Variants in EPB41L5 observed in about 807,000 individuals in gnomAD.
The protein encoded by EPB41L5 is erythrocyte membrane protein band 4.1 like 5, also known as band 4.1-like protein 5.
In EPB41L5, 55 loss-of-function variants were observed where a neutral mutation model predicts 106.6. The ratio of observed to expected loss-of-function variants is 0.52; its 90% confidence interval spans 0.42 to 0.65. The LOEUF (loss-of-function observed/expected upper bound fraction) is 0.65. Ranked by LOEUF, EPB41L5 falls within the 30% of genes least tolerant of loss-of-function variation. EPB41L5 has a pLI of 0.00. For missense variants in EPB41L5, 871 were observed against 882.1 expected (o/e 0.99, Z 0.16); for synonymous variants, 297 against 306.7 (o/e 0.97, Z 0.33).
chr2:120,133,176 T>G (rs907916058), intron 18 of EPB41L5, among the ~76,000 whole-genome samples: 1 of 151,990 alleles, frequency 6.6e-6, no homozygotes, highest in Non-Finnish European at 1.5e-5. Context: ...CAGACAAGAA[T>G]AGAAGGAAGG....
At chr2:120,044,435 T>C (rs1184920609) in intron 3 of EPB41L5, among the ~76,000 whole-genome samples, 1 of 152,220 alleles carries the variant, frequency 6.6e-6, no homozygotes, top group African/African-American at 2.4e-5. Context: ...AATTTTAATA[T>C]CATTCAGCTT....
At position 120,174,843 on chromosome 2, in the gene EPB41L5, C is replaced by T. The variant is rs759329364; in HGVS notation, c.2138C>T (p.Ser713Phe). 4.3e-6 allele frequency: 7 copies of T among 1,614,016 alleles called. 1 individual carries two copies. In the South Asian group the frequency reaches 6.6e-5, roughly 15 times the overall value. Residue 713 changes from serine (S) to phenylalanine (F), a missense_variant and splice_region_variant, in exon 25 of 25, where the codon TCT (serine) becomes TTT (phenylalanine). Ser to Phe is a radical substitution (Grantham distance 155). Coordinates refer to ENST00000263713, the MANE Select transcript of EPB41L5 (RefSeq NM_020909.4). ...APFLVDAVTS[S>F]GPILAEEAVL... ...AACCCATTCTCTCTTCCTTTCAGCT[C>T]TGGTCCCATTTTGGCAGAAGAAGCT...
intron 3 of EPB41L5, among the ~76,000 whole-genome samples, chr2:120,058,311 A>T (rs1177004610): frequency 6.6e-6 from 1 of 152,068 alleles, no homozygotes; most frequent in Non-Finnish European, 1.5e-5. Flanking sequence ...TCAGCCTCCC[A>T]AGTAGGTAGG....
At chr2:120,113,352 TTAC>T (rs1684806094) in intron 16 of EPB41L5, among the ~76,000 whole-genome samples, 1 of 152,184 alleles carries the variant, frequency 6.6e-6, no homozygotes, top group Non-Finnish European at 1.5e-5. Flanking sequence ...TAACAATAAA[TTAC>T]TCCAAATTAT....
intron 2 of EPB41L5, among the ~76,000 whole-genome samples, chr2:120,033,562 C>T (rs1259185953): frequency 6.6e-6 from 1 of 151,760 alleles, no homozygotes; most frequent in Non-Finnish European, 1.5e-5. Flanking sequence ...ACAAAATTAG[C>T]CGGGCGTAGT....
intron 14 of EPB41L5, among the ~76,000 whole-genome samples, chr2:120,099,008 A>T (rs1415508941): frequency 1.3e-5 from 2 of 152,238 alleles, no homozygotes; most frequent in Non-Finnish European, 2.9e-5. Flanking sequence ...ATTTACTTTT[A>T]AATCTGCTCG....
At chr2:120,123,270 C>T (rs753967341) in intron 16 of EPB41L5, among the ~76,000 whole-genome samples, 5 of 152,230 alleles carry the variant, frequency 3.3e-5, no homozygotes, top group South Asian at 4.1e-4. Context: ...TGTTGTTCAC[C>T]GCCTCCTCAC....
intron 16 of EPB41L5, among the ~76,000 whole-genome samples, chr2:120,124,718 G>A (rs1342718985): frequency 6.6e-6 from 1 of 152,022 alleles, no homozygotes; most frequent in East Asian, 1.9e-4. Flanking sequence ...GTATAATAAA[G>A]ATTTCAGTTC....
intron 3 of EPB41L5, among the ~76,000 whole-genome samples, chr2:120,071,104 A>C (rs1681833231): frequency 6.6e-6 from 1 of 152,238 alleles, no homozygotes; most frequent in African/African-American, 2.4e-5. Context: ...ATCTCAGCCC[A>C]AAATCTCCTT....
chr2:120,086,408 G>A (rs902165700), intron 10 of EPB41L5, among the ~76,000 whole-genome samples: 20 of 152,202 alleles, frequency 1.3e-4, no homozygotes, highest in African/African-American at 4.6e-4. Context: ...GTTGGAAAGC[G>A]GGCCATAAAG....
chr2:120,119,013 TTAA>T (rs1156533769), intron 16 of EPB41L5, among the ~76,000 whole-genome samples: 3 of 152,218 alleles, frequency 2.0e-5, no homozygotes, highest in Non-Finnish European at 4.4e-5. Context: ...TTTTGACTTT[TTAA>T]TAATAGCCTT....
At chr2:120,142,451 C>G (rs1453009415) in intron 18 of EPB41L5, among the ~76,000 whole-genome samples, 3 of 152,134 alleles carry the variant, frequency 2.0e-5, no homozygotes, top group African/African-American at 7.2e-5. Context: ...GGAACAGAAT[C>G]TCAACTGCAT....
At chr2:120,152,322 G>C (rs1034082116) in intron 20 of EPB41L5, among the ~76,000 whole-genome samples, 1 of 152,142 alleles carries the variant, frequency 6.6e-6, no homozygotes, top group Non-Finnish European at 1.5e-5. Context: ...GTGGTTTTCT[G>C]ATGTTGAACC....
chr2:120,047,990 C>G (rs1252039553), intron 3 of EPB41L5, among the ~76,000 whole-genome samples: 1 of 152,190 alleles, frequency 6.6e-6, no homozygotes, highest in Non-Finnish European at 1.5e-5. Context: ...TTGAACCAGC[C>G]TTGCGATCCA....
chr2:120,104,701 C>A (rs1474199591), intron 16 of EPB41L5: 33 of 971,380 alleles, frequency 3.4e-5, no homozygotes, highest in Non-Finnish European at 4.0e-5. Flanking sequence ...TGTTCTTATA[C>A]ACTATTTTAA....
chr2:120,164,297 C>T (rs188670772), intron 21 of EPB41L5, among the ~76,000 whole-genome samples: 5 of 152,216 alleles, frequency 3.3e-5, no homozygotes, highest in Admixed American at 6.5e-5. Flanking sequence ...TCACTGCAGC[C>T]TCTGTCTCCT....
At chr2:120,073,022 C>T (rs1177381177) in intron 3 of EPB41L5, among the ~76,000 whole-genome samples, 156 bp from the exon 4 acceptor site, 1 of 151,650 alleles carries the variant, frequency 6.6e-6, no homozygotes, top group East Asian at 1.9e-4. Context: ...GATACTCTTC[C>T]TTCTCACCTC....
chr2:120,154,875 G>A (rs1264959707), intron 20 of EPB41L5, among the ~76,000 whole-genome samples: 2 of 152,022 alleles, frequency 1.3e-5, no homozygotes, highest in South Asian at 2.1e-4. Flanking sequence ...GCAGTGAGCC[G>A]AGATCGTGCC....
At chr2:120,151,149 C>T (rs998289013) in intron 20 of EPB41L5, among the ~76,000 whole-genome samples, 1 of 151,806 alleles carries the variant, frequency 6.6e-6, no homozygotes, top group African/African-American at 2.4e-5. Context: ...TGTCTCTACT[C>T]AAAATACAAA....
Sources: gnomAD v4.1 joint callset for allele counts (sites outside exome capture counted in the v4.1 genomes callset) on GRCh38, gnomAD v4.1.1 for gene constraint, MANE v1.5 for transcripts, NCBI Gene and HGNC (gene_info 2026-07-23, HGNC 2026-07-21) for gene names.